Variants in ABLIM2 observed in about 807,000 individuals in gnomAD.
ABLIM2 encodes actin binding LIM protein family member 2.
In ABLIM2, 53 loss-of-function variants were observed where a neutral mutation model predicts 97.7. The observed-to-expected ratio is 0.54, with a 90% confidence interval of 0.44 to 0.68. The LOEUF is 0.68. Ranked by LOEUF, ABLIM2 falls within the 30% of genes least tolerant of loss-of-function variation. The pLI, the probability that ABLIM2 is intolerant of heterozygous loss-of-function variation, is 0.00. For synonymous variants in ABLIM2, 361 were observed against 345.8 expected (o/e 1.04, Z -0.49); for missense variants, 835 against 867.2 (o/e 0.96, Z 0.47).
chr4:7,971,181 T>C (rs144697878), intron 20 of ABLIM2, among the ~76,000 whole-genome samples: 104 of 152,254 alleles, frequency 6.8e-4, no homozygotes, highest in African/African-American at 2.5e-3. Context: ...GCATTCAATC[T>C]CACTCAGGGC....
chr4:8,039,979 T>C (rs987858273), intron 9 of ABLIM2, among the ~76,000 whole-genome samples: 1 of 151,240 alleles, frequency 6.6e-6, no homozygotes, highest in African/African-American at 2.4e-5. Flanking sequence ...ATGGAGGGTC[T>C]ACTGTGTGCA....
At chr4:8,079,235 A>C (rs1014963285) in intron 5 of ABLIM2, among the ~76,000 whole-genome samples, 1 of 152,236 alleles carries the variant, frequency 6.6e-6, no homozygotes, top group Non-Finnish European at 1.5e-5. Context: ...GGACTCCCGT[A>C]ATAACCCACA....
chr4:7,992,722 TG>T lies in ABLIM2; in HGVS notation c.1680+143del. 1 of 849,640 alleles carries T rather than the reference TG, an allele frequency of 1.2e-6. No homozygotes were observed. The highest frequency in any genetic ancestry group is 1.9e-6 in the Non-Finnish European group (1 of 528,230). The allele number at this position is 849,640 out of a possible 1,614,324, so 52.6% of individuals were successfully genotyped here. A position where few individuals can be genotyped will look rare whatever the true frequency, so the allele number is the denominator to read the frequency against. On this transcript the variant is annotated intron_variant, in intron 17 of 20. Transcript: ENST00000447017. The surrounding 1 kb of genome is among the most constrained non-coding windows in gnomAD (Gnocchi z 5.7). ...AAGCAGTGGTGGCAGTGGCAGCCCC[TG>T]GGAAGGGCATCAGGCAGAGGCAGGT...
chr4:8,077,033 G>T (rs1341931584), intron 6 of ABLIM2, among the ~76,000 whole-genome samples: 1 of 151,408 alleles, frequency 6.6e-6, no homozygotes, highest in Non-Finnish European at 1.5e-5. Flanking sequence ...GAATCCGAAG[G>T]GTGGGCTGCA....
chr4:8,052,398 A>G (rs1014057848), intron 8 of ABLIM2, among the ~76,000 whole-genome samples: 5 of 152,232 alleles, frequency 3.3e-5, no homozygotes, highest in African/African-American at 1.2e-4. Context: ...GCCTCAGGGT[A>G]GCTTGTAGAA....
rs575019971 is a variant in ABLIM2 at position 7,980,192 on chromosome 4, A to G, written c.1824+3072T>C. Reference sequence around the variant, plus strand: ...TCAAAGAAACCTACAAACCTAGTTCAGGCCATGAAGGGAAGAGGGGGCGAG... The same window carrying G: ...TCAAAGAAACCTACAAACCTAGTTCGGGCCATGAAGGGAAGAGGGGGCGAG... On this transcript the variant is annotated intron_variant, in intron 20 of 20. Coordinates refer to ENST00000447017, the MANE Select transcript of ABLIM2 (RefSeq NM_001130083.2). Among the ~76,000 whole-genome samples, 4 of 152,300 alleles carry G rather than the reference A, an allele frequency of 2.6e-5. No homozygotes were observed. The South Asian group carries it at 8.3e-4, about 32-fold the overall frequency.
intron 9 of ABLIM2, among the ~76,000 whole-genome samples, chr4:8,038,429 G>A (rs1398963234): frequency 6.6e-6 from 1 of 152,134 alleles, no homozygotes; most frequent in Non-Finnish European, 1.5e-5. Context: ...TCTTCAGCTG[G>A]ACAATGTAAG....
At chr4:8,052,538 A>G (rs117866387) in intron 8 of ABLIM2, among the ~76,000 whole-genome samples, 2 of 152,358 alleles carry the variant, frequency 1.3e-5, no homozygotes, top group East Asian at 3.9e-4. Flanking sequence ...TGGAAGGCAG[A>G]AAAGGGCAGA....
At chr4:7,972,555 G>C (rs1728976101) in intron 20 of ABLIM2, among the ~76,000 whole-genome samples, 1 of 152,220 alleles carries the variant, frequency 6.6e-6, no homozygotes, top group Non-Finnish European at 1.5e-5. Context: ...GGGACAAGAT[G>C]TCTGGTCTGC....
chr4:7,974,752 T>G (rs1298955447), intron 20 of ABLIM2, among the ~76,000 whole-genome samples: 1 of 152,008 alleles, frequency 6.6e-6, no homozygotes, highest in East Asian at 1.9e-4. Flanking sequence ...CATCCACTCA[T>G]CCATCTATCC....
Position 8,123,184 on chromosome 4 carries a change from C to G in ABLIM2, c.11-16547G>C, listed in dbSNP as rs1846244210. ...ATTGCGGTCCTCAGAGCATTCTTCC[C>G]TGGCAGCTGGTGCCCCTTACTTGGG... On this transcript the variant is annotated intron_variant, in intron 1 of 20. Transcript: ENST00000447017. This position sits in a 1 kb window ranked among gnomAD's most constrained non-coding sequence, Gnocchi z 6.2. Among the ~76,000 whole-genome samples, 2 of 152,346 alleles carry G rather than the reference C, an allele frequency of 1.3e-5. No homozygotes were observed. Among genetic ancestry groups the G allele is most frequent in the Middle Eastern group, 3.4e-3 (1 of 294 alleles).
At chr4:8,091,054 G>A (rs12498900) in intron 3 of ABLIM2, among the ~76,000 whole-genome samples, 1 of 150,564 alleles carries the variant, frequency 6.6e-6, no homozygotes, top group Non-Finnish European at 1.5e-5. Context: ...CTGCCAAGCC[G>A]GTTTCCATGG....
intron 3 of ABLIM2, 95 bp downstream of exon 3, chr4:8,097,004 C>T (rs568747449): frequency 5.9e-5 from 84 of 1,415,770 alleles, no homozygotes; most frequent in African/African-American, 5.8e-4. Context: ...GGGCGGGTCA[C>T]GGGAGGGAGC....
chr4:7,999,216 C>A lies in ABLIM2; in HGVS notation c.1619-6289G>T, dbSNP rs34336913. ...CTGGGATTACAGGCATGTACCACTGCGCCCAGCTAATTTTGTATTTTTAGT... is the reference window on the plus strand; with the variant it reads ...CTGGGATTACAGGCATGTACCACTGAGCCCAGCTAATTTTGTATTTTTAGT... On this transcript the variant is annotated intron_variant, in intron 16 of 20. Transcript: ENST00000447017. This position sits in a 1 kb window ranked among gnomAD's most constrained non-coding sequence, Gnocchi z 4.4. Among the ~76,000 whole-genome samples the A allele has an allele frequency of 1.3e-5, 2 of 152,100 alleles. No homozygotes were observed. The highest frequency in any genetic ancestry group is 2.9e-5 in the Non-Finnish European group (2 of 68,016).
chr4:8,036,282 C>T lies in ABLIM2; in HGVS notation c.914G>A (p.Gly305Asp). ...PSRVIYAKLG[G>D]EILDYRDLAA... ...CAAGTCCCTGTAGTCCAGGATCTCA[C>T]CACCAAGCTTGGCCTGAGAGGGGAA... is the stretch of plus-strand genomic sequence containing the variant. Residue 305 changes from glycine to aspartate, a missense_variant, in exon 10 of 21, where the codon GGT (glycine) becomes GAT (aspartate). Coordinates refer to ENST00000447017, the MANE Select transcript of ABLIM2 (RefSeq NM_001130083.2). 1.2e-6 allele frequency: 2 copies of T among 1,613,754 alleles called. No homozygotes were observed. Among genetic ancestry groups the T allele is most frequent in the Non-Finnish European group, 1.7e-6 (2 of 1,179,734 alleles).
At chr4:7,979,407 C>T (rs372073494) in intron 20 of ABLIM2, among the ~76,000 whole-genome samples, 3 of 152,214 alleles carry the variant, frequency 2.0e-5, no homozygotes, top group Non-Finnish European at 4.4e-5. Context: ...TGCCTGTGGC[C>T]CGGCATTCTC....
At chr4:8,028,339 G>C (rs1163003462) in intron 11 of ABLIM2, among the ~76,000 whole-genome samples, 2 of 152,232 alleles carry the variant, frequency 1.3e-5, no homozygotes, top group Non-Finnish European at 2.9e-5. Flanking sequence ...TTAGGACGAG[G>C]AGCTCAATAA....
Position 8,007,776 on chromosome 4 carries a change from A to T in ABLIM2, c.1618+283T>A, listed in dbSNP as rs980647558. The T allele has an allele frequency of 3.8e-5, 46 of 1,215,616 alleles. No homozygotes were observed. The South Asian group carries it at 9.0e-4, about 24-fold the overall frequency. 75.3% of individuals were successfully genotyped at this position (1,215,616 alleles called of 1,614,324 possible). Reference sequence around the variant, plus strand: ...ACGCCTTTCTCCTAAACAGCCCAGGAGCAGGTCTGGGTTTCTGCATTCTTG... The same window carrying T: ...ACGCCTTTCTCCTAAACAGCCCAGGTGCAGGTCTGGGTTTCTGCATTCTTG... On this transcript the variant is annotated intron_variant, in intron 16 of 20. Coordinates refer to ENST00000447017, the MANE Select transcript of ABLIM2 (RefSeq NM_001130083.2).
chr4:8,100,831 G>A (rs183131312), intron 2 of ABLIM2, among the ~76,000 whole-genome samples: 2 of 150,420 alleles, frequency 1.3e-5, no homozygotes, highest in Non-Finnish European at 1.5e-5. Flanking sequence ...TGGAAATGAT[G>A]TTGACATCCA....
Sources: allele counts gnomAD v4.1 joint callset (sites outside exome capture counted in the v4.1 genomes callset), GRCh38; gene constraint gnomAD v4.1.1; non-coding constraint Gnocchi (gnomAD v3.1); transcripts MANE v1.5; gene names NCBI Gene and HGNC (gene_info 2026-07-23, HGNC 2026-07-21).